The following NBPF11 variants were observed in gnomAD, a reference collection of about 807,000 sequenced individuals.
The protein encoded by NBPF11 is NBPF member 11, also known as NBPF family member NBPF11.
Under a neutral mutation model 93.9 loss-of-function variants are expected in NBPF11, and 72 were observed. That is an observed-to-expected ratio of 0.77 (90% CI 0.63 to 0.93). The LOEUF (loss-of-function observed/expected upper bound fraction) is 0.93, where lower values mean the gene tolerates loss of function less well. NBPF11 is among the 40% of genes least tolerant of loss of function. The probability of loss-of-function intolerance (pLI) is 0.00; values close to 1 mark genes in which losing one functional copy is unlikely to be tolerated. For missense variants in NBPF11, 705 were observed against 802.2 expected (o/e 0.88, Z 1.46); for synonymous variants, 224 against 304.9 (o/e 0.73, Z 2.76).
In NBPF11 at chr1:148,138,986, G is replaced by A. The variant is rs1433798523; in HGVS notation, c.-276-1177C>T. Among the ~76,000 whole-genome samples, 4 of 151,214 alleles carry A rather than the reference G, an allele frequency of 2.6e-5. 1 individual carries two copies. The highest frequency in any genetic ancestry group is 4.9e-5 in the African/African-American group (2 of 40,700). ...GGCGCCTGTAATCCCAGCTATTCAGGAGGCTGAGGCAGGAGAATCACTTGA... is the reference window on the plus strand; with the variant it reads ...GGCGCCTGTAATCCCAGCTATTCAGAAGGCTGAGGCAGGAGAATCACTTGA... On this transcript the variant is annotated intron_variant, in intron 2 of 23. Transcript: ENST00000682118.
intron 2 of NBPF11, among the ~76,000 whole-genome samples, chr1:148,142,671 T>A (rs1672385181): frequency 6.6e-6 from 1 of 152,074 alleles, no homozygotes; most frequent in Admixed American, 6.5e-5. Context: ...CCTGCAGTGG[T>A]GGGTTCCGTG....
At chr1:148,149,611 G>A in intron 1 of NBPF11, 1 of 1,566,618 alleles carries the variant, frequency 6.4e-7, no homozygotes, top group African/African-American at 1.4e-5. Flanking sequence ...GCGGCCCCCG[G>A]ACCTCACCCC....
intron 20 of NBPF11, among the ~76,000 whole-genome samples, chr1:148,106,447 T>G (rs1446941172): frequency 6.9e-6 from 1 of 145,248 alleles, no homozygotes; most frequent in East Asian, 2.0e-4. Flanking sequence ...TGGTAGATCG[T>G]TATCCCAAAA....
At chr1:148,107,449 A>G (rs1663985533) in intron 19 of NBPF11, among the ~76,000 whole-genome samples, 1 of 151,390 alleles carries the variant, frequency 6.6e-6, no homozygotes, top group African/African-American at 2.4e-5. Flanking sequence ...GGGCTCAATA[A>G]TTTTCCATAA....
chr1:148,134,977 C>T (rs1185725219), intron 4 of NBPF11: 3 of 151,604 alleles, frequency 2.0e-5, no homozygotes, highest in African/African-American at 7.3e-5. Flanking sequence ...TGAATTAAAG[C>T]TGATGGGAGT....
At chr1:148,121,348 C>CTTTTTTTTTTTT (rs782740427) in intron 9 of NBPF11, among the ~76,000 whole-genome samples, 3 of 124,854 alleles carry the variant, frequency 2.4e-5, no homozygotes, top group Non-Finnish European at 3.4e-5. Flanking sequence ...TGGTCAGAGA[C>CTTTTTTTTTTTT]TTTTTTTTTT....
intron 20 of NBPF11, 146 bp downstream of exon 20, chr1:148,106,796 C>T: frequency 1.0e-5 from 7 of 695,980 alleles, no homozygotes; most frequent in Non-Finnish European, 5.2e-6. Flanking sequence ...GCTGAGACTA[C>T]AGTTTCATTA....
chr1:148,103,645 A>G lies in NBPF11; in HGVS notation c.*251T>C. Reference sequence around the variant, plus strand: ...TATAGGTCCTGCCTGCAGGAATGACACCTCTCGGCTTAGTAAGGGCTGCTT... The same window carrying G: ...TATAGGTCCTGCCTGCAGGAATGACGCCTCTCGGCTTAGTAAGGGCTGCTT... On this transcript the variant is annotated 3_prime_UTR_variant, in exon 24 of 24. Coordinates refer to ENST00000682118, the MANE Select transcript of NBPF11 (RefSeq NM_001385469.3). The G allele has an allele frequency of 1.2e-6, 2 of 1,610,942 alleles. No individual in the cohort carries two copies. The highest frequency in any genetic ancestry group is 2.2e-5 in the South Asian group (2 of 90,968).
Position 148,122,777 on chromosome 1 carries a change from T to A in NBPF11, c.518A>T (p.Asp173Val), listed in dbSNP as rs1290073759. ...SPENDEDEDEDVQVEEDEKVL... is the reference protein window; with the variant it reads ...SPENDEDEDEVVQVEEDEKVL... ...TTTCTCATCCTCCTCAACTTGAACA[T>A]CTTCATCCTCATCTTCGTCATTTTC... Residue 173 changes from aspartate to valine, a missense_variant, in exon 8 of 24, where the codon GAT (aspartate) becomes GTT (valine). Physicochemically the swap from Asp to Val is radical, Grantham distance 152. Around this residue, in one of 12 missense-constraint regions of NBPF11, gnomAD observed 262 missense variants for 223.1 expected, o/e 1.17. Coordinates refer to ENST00000682118, the MANE Select transcript of NBPF11 (RefSeq NM_001385469.3). The A allele has an allele frequency of 1.3e-5, 21 of 1,610,020 alleles. No homozygotes were observed. Among genetic ancestry groups the A allele is most frequent in the Non-Finnish European group, 1.8e-5 (21 of 1,177,692 alleles).
At chr1:148,139,992 A>C (rs1357302552) in intron 2 of NBPF11, among the ~76,000 whole-genome samples, 12 of 151,294 alleles carry the variant, frequency 7.9e-5, no homozygotes, top group African/African-American at 2.7e-4. Context: ...AGTTCAGAAA[A>C]ACTCCCTGAG....
At chr1:148,150,588 A>G (rs1376655943) in intron 1 of NBPF11, among the ~76,000 whole-genome samples, 2 of 151,988 alleles carry the variant, frequency 1.3e-5, no homozygotes, top group Non-Finnish European at 1.5e-5. Context: ...CTATTAATGC[A>G]TAACAGCTCA....
rs2149157251 is a variant in NBPF11 at position 148,103,849 on chromosome 1, A to G, written c.*47T>C. ...CAAAGTACATTGATGGAGTCGAATA[A>G]TATCTATCCAGTGAGTCCTGTAAGA... On this transcript the variant is annotated 3_prime_UTR_variant, in exon 24 of 24. Transcript: ENST00000682118. 12 of 1,611,406 alleles carry G rather than the reference A, an allele frequency of 7.4e-6. No individual in the cohort carries two copies. In the East Asian group the frequency reaches 2.2e-4, roughly 30 times the overall value.
rs368823258 is a variant in NBPF11, at chr1:148,122,805, T to G, written c.494-4A>C. On this transcript the variant is annotated splice_region_variant and splice_polypyrimidine_tract_variant and intron_variant, in intron 7 of 23. Coordinates refer to ENST00000682118, the MANE Select transcript of NBPF11 (RefSeq NM_001385469.3). ...TCATCCTCATCTTCGTCATTTTCTA[T>G]AAATACAAAATGTTCGTTCAGATAT... 7.8e-5 allele frequency: 125 copies of G among 1,609,694 alleles called. 1 individual carries two copies. Among genetic ancestry groups the G allele is most frequent in the African/African-American group, 4.8e-4 (36 of 74,616 alleles).
At chr1:148,109,412 C>T in intron 16 of NBPF11, 77 bp from the exon 17 acceptor site, 1 of 914,996 alleles carries the variant, frequency 1.1e-6, no homozygotes, top group Non-Finnish European at 1.8e-6. Context: ...CTGTCCAATC[C>T]TAACACAGGG....
rs61566267 is a variant in NBPF11, at chr1:148,103,699, G to C, written c.*197C>G. 167 of 1,611,246 alleles carry C rather than the reference G, an allele frequency of 1.0e-4. 2 individuals carry two copies. The East Asian group carries it at 1.2e-3, about 12-fold the overall frequency. ...GTGGGAATATGACTCCCATCTGGAA[G>C]ACCAGGTGGAGACTTCTCACCGTCA... is the stretch of plus-strand genomic sequence containing the variant. On this transcript the variant is annotated 3_prime_UTR_variant, in exon 24 of 24. Transcript: ENST00000682118.
intron 11 of NBPF11, 144 bp downstream of exon 11, chr1:148,118,476 T>A: frequency 1.4e-6 from 1 of 720,412 alleles, no homozygotes; most frequent in East Asian, 2.5e-5. Context: ...CTCTGTTTGA[T>A]AAATATTTGT....
intron 1 of NBPF11, chr1:148,146,625 G>A: frequency 6.2e-7 from 1 of 1,611,256 alleles, no homozygotes; most frequent in Non-Finnish European, 8.5e-7. Context: ...CCGACTTCCA[G>A]TACAGCCAGC....
rs1291205454 is a variant in NBPF11, at chr1:148,103,870, T to G, written c.*26A>C. On this transcript the variant is annotated 3_prime_UTR_variant, in exon 24 of 24. Coordinates refer to ENST00000682118, the MANE Select transcript of NBPF11 (RefSeq NM_001385469.3). ...AATAATATCTATCCAGTGAGTCCTG[T>G]AAGACTTCAGGCACTTCCACTTCCA... is the stretch of plus-strand genomic sequence containing the variant. 3.7e-6 allele frequency: 6 copies of G among 1,610,014 alleles called. No homozygotes were observed. In the South Asian group the frequency reaches 4.4e-5, roughly 12 times the overall value.
rs782711609 is a variant in NBPF11, at chr1:148,124,893, C to T, written c.278+6G>A. On this transcript the variant is annotated splice_donor_region_variant and intron_variant, in intron 6 of 23. Transcript: ENST00000682118. ...CTGCCTGTCTCCCCCTACGGGGTCC[C>T]CTCACCTGAGCTCCTCAGCTTGCTT... The T allele has an allele frequency of 3.1e-6, 5 of 1,608,688 alleles. No individual in the cohort carries two copies. The highest frequency in any genetic ancestry group is 2.2e-5 in the East Asian group (1 of 44,870).
Sources: gnomAD v4.1 joint callset for allele counts (sites outside exome capture counted in the v4.1 genomes callset) on GRCh38, gnomAD v4.1.1 for gene constraint, gnomAD v4.1.1 regional missense constraint, MANE v1.5 for transcripts, NCBI Gene and HGNC (gene_info 2026-07-23, HGNC 2026-07-21) for gene names.